Variants in SLIT1 observed in about 807,000 individuals in gnomAD.
The protein encoded by SLIT1 is slit homolog 1 protein.
A neutral mutation model predicts 186.1 loss-of-function variants in SLIT1; 66 were observed. The ratio of observed to expected loss-of-function variants is 0.35; its 90% CI spans 0.29 to 0.44. The LOEUF (loss-of-function observed/expected upper bound fraction) is 0.44, where lower values mean the gene tolerates loss of function less well. SLIT1 is among the 20% of genes least tolerant of loss of function. The probability of loss-of-function intolerance (pLI) is 1.00; values close to 1 mark genes in which losing one functional copy is unlikely to be tolerated. For synonymous variants in SLIT1, 761 were observed against 833.8 expected (o/e 0.91, Z 1.50); for missense variants, 1,638 against 2,037.4 (o/e 0.80, Z 3.77).
At chr10:97,086,589 A>AC (rs896715871) in intron 4 of SLIT1, among the ~76,000 whole-genome samples, 5 of 152,202 alleles carry the variant, frequency 3.3e-5, no homozygotes, top group Non-Finnish European at 4.4e-5. Context: ...CCCAAAAAAA[A>AC]GAAAGGAAAG....
chr10:97,109,582 C>A (rs767671060), intron 4 of SLIT1, among the ~76,000 whole-genome samples: 30 of 152,200 alleles, frequency 2.0e-4, no homozygotes, highest in Non-Finnish European at 7.3e-5. Flanking sequence ...CTCTTCACCC[C>A]ATTAGCCTTG....
At chr10:97,141,736 TGTATCGTATC>T (rs1268951481) in intron 4 of SLIT1, among the ~76,000 whole-genome samples, 20 of 127,474 alleles carry the variant, frequency 1.6e-4, no homozygotes, top group East Asian at 7.6e-4. Context: ...TGTACTGTAT[TGTATCGTATC>T]GTATCGTATC....
intron 4 of SLIT1, among the ~76,000 whole-genome samples, chr10:97,114,478 G>A (rs1849492772): frequency 6.6e-6 from 1 of 152,180 alleles, no homozygotes. Context: ...AACAAGACCA[G>A]CCTGGGCAAC....
chr10:97,117,525 T>C (rs545280877), intron 4 of SLIT1, among the ~76,000 whole-genome samples: 117 of 152,290 alleles, frequency 7.7e-4, no homozygotes, highest in Non-Finnish European at 1.5e-3. Flanking sequence ...CACAAGGGTG[T>C]GGATTTCCAG....
intron 8 of SLIT1, among the ~76,000 whole-genome samples, chr10:97,061,755 T>C (rs1848895582): frequency 6.6e-6 from 1 of 152,224 alleles, no homozygotes; most frequent in African/African-American, 2.4e-5. Context: ...TGGACATTTT[T>C]GCAGAAAAAA....
In SLIT1 at chr10:97,049,049, A is replaced by T. The variant is rs751942601; in HGVS notation, c.1371T>A (p.Asn457Lys). 1.2e-6 allele frequency: 2 copies of T among 1,612,976 alleles called. No individual in the cohort carries two copies. Among genetic ancestry groups the T allele is most frequent in the South Asian group, 2.2e-5 (2 of 91,068 alleles). ...LKWLADFLRT[N>K]PIETSGARCA... The stretch of plus-strand genomic sequence containing the variant: ...AGCGGGCACCACTCGTCTCGATGGG[A>T]TTGGTGCGCAGGAAGTCTGCCAGCC... The change falls in exon 14 of 37, where the codon AAT becomes AAA. Residue 457 changes from asparagine (N) to lysine (K), a missense_variant. Physicochemically the swap from Asn to Lys is moderately conservative, Grantham distance 94. Around this residue, in one of 3 missense-constraint regions of SLIT1, gnomAD observed 1,245 missense variants for 1,535.3 expected, o/e 0.81. Transcript: ENST00000266058.
At chr10:97,012,634 TGCCTG>T in intron 30 of SLIT1, among the ~76,000 whole-genome samples, 1 of 152,234 alleles carries the variant, frequency 6.6e-6, no homozygotes, top group Non-Finnish European at 1.5e-5. Context: ...CTGATTGGTC[TGCCTG>T]CCAAGCCCCA....
intron 1 of SLIT1, among the ~76,000 whole-genome samples, chr10:97,179,454 A>T (rs1407701478): frequency 6.6e-6 from 1 of 152,162 alleles, no homozygotes; most frequent in Admixed American, 6.5e-5. Context: ...TTAACTTCAC[A>T]GCCCTATGAG....
At chr10:97,136,936 G>A (rs1260598118) in intron 4 of SLIT1, among the ~76,000 whole-genome samples, 2 of 152,098 alleles carry the variant, frequency 1.3e-5, no homozygotes, top group Non-Finnish European at 2.9e-5. Context: ...GAGTCAAAAC[G>A]GATAACTGTC....
chr10:97,062,741 G>T (rs950924556), intron 8 of SLIT1, among the ~76,000 whole-genome samples: 1 of 152,256 alleles, frequency 6.6e-6, no homozygotes, highest in Non-Finnish European at 1.5e-5. Context: ...GGGAGGCAGC[G>T]GTGGCCCTGG....
intron 4 of SLIT1, among the ~76,000 whole-genome samples, chr10:97,082,093 T>C (rs1849110895): frequency 6.6e-6 from 1 of 152,254 alleles, no homozygotes; most frequent in Non-Finnish European, 1.5e-5. Context: ...ACTAAGCTAC[T>C]TCTATATGGG....
At chr10:97,048,065 A>G in intron 14 of SLIT1, 69 bp from the exon 15 acceptor site, 1 of 1,560,760 alleles carries the variant, frequency 6.4e-7, no homozygotes, top group Non-Finnish European at 8.8e-7. Flanking sequence ...CCCAGGCCCC[A>G]GCCCCACTGC....
At chr10:97,090,893 G>C (rs1212426253) in intron 4 of SLIT1, among the ~76,000 whole-genome samples, 5 of 152,250 alleles carry the variant, frequency 3.3e-5, no homozygotes, top group Admixed American at 6.5e-5. Flanking sequence ...AGTGCTGAAG[G>C]GGGTGGCAAG....
At chr10:97,027,023 C>T (rs1848551828) in intron 25 of SLIT1, among the ~76,000 whole-genome samples, 3 of 152,208 alleles carry the variant, frequency 2.0e-5, no homozygotes, top group African/African-American at 7.2e-5. Flanking sequence ...CTCTTCCACA[C>T]ACCCCTCCTC....
At chr10:97,102,045 G>A (rs1312607252) in intron 4 of SLIT1, 2 of 152,206 alleles carry the variant, frequency 1.3e-5, no homozygotes, top group African/African-American at 4.8e-5. Flanking sequence ...CAGCTTGGAC[G>A]AGCAGAATCA....
At chr10:97,044,274 T>C (rs2134623205) in intron 18 of SLIT1, among the ~76,000 whole-genome samples, 1 of 152,308 alleles carries the variant, frequency 6.6e-6, no homozygotes, top group East Asian at 1.9e-4. Flanking sequence ...TGTGCACTTG[T>C]AGTCCCAGCT....
At chr10:97,114,263 G>T (rs988979829) in intron 4 of SLIT1, among the ~76,000 whole-genome samples, 2 of 152,188 alleles carry the variant, frequency 1.3e-5, no homozygotes, top group African/African-American at 4.8e-5. Context: ...TCCCACTCTG[G>T]GGCCTGCCTA....
intron 25 of SLIT1, among the ~76,000 whole-genome samples, chr10:97,026,775 G>A (rs991652263): frequency 6.6e-6 from 1 of 152,214 alleles, no homozygotes; most frequent in Non-Finnish European, 1.5e-5. Flanking sequence ...AAAGTAAATA[G>A]CAGCAGAGGA....
Position 97,006,469 on chromosome 10 carries a change from C to A in SLIT1, c.3579+14G>T, listed in dbSNP as rs1333238464. 6.3e-7 allele frequency: 1 copy of A among 1,598,574 alleles called. No homozygotes were observed. Among genetic ancestry groups the A allele is most frequent in the Admixed American group, 1.7e-5 (1 of 59,946 alleles). On this transcript the variant is annotated intron_variant, in intron 32 of 36. Transcript: ENST00000266058. This position sits in a 1 kb window ranked among gnomAD's most constrained non-coding sequence, Gnocchi z 4.0. Reference sequence around the variant, plus strand: ...CCCTGACTCCCCTCTGTGACCAAGCCCCCTGGCACGCACCTGCAACGTGAT... The same window carrying A: ...CCCTGACTCCCCTCTGTGACCAAGCACCCTGGCACGCACCTGCAACGTGAT...
Sources: gnomAD v4.1 joint callset for allele counts (sites outside exome capture counted in the v4.1 genomes callset) on GRCh38, gnomAD v4.1.1 for gene constraint, gnomAD v4.1.1 regional missense constraint, Gnocchi (gnomAD v3.1) non-coding constraint, MANE v1.5 for transcripts, NCBI Gene and HGNC (gene_info 2026-07-23, HGNC 2026-07-21) for gene names.